FAM47E: variants seen among roughly 807,000 people sequenced by gnomAD.
The protein encoded by FAM47E is family with sequence similarity 47 member E.
In FAM47E, 32 loss-of-function variants were observed where a neutral mutation model predicts 41.6. That is an observed-to-expected ratio of 0.77 (90% CI 0.58 to 1.03). The LOEUF is 1.03. FAM47E is among the 50% of genes least tolerant of loss of function. The pLI is 0.00. For synonymous variants in FAM47E, 184 were observed against 188.7 expected (o/e 0.98, Z 0.20); for missense variants, 424 against 485.4 (o/e 0.87, Z 1.19).
At chr4:76,268,424 T>C (rs997151933) in intron 3 of FAM47E, 5 of 405,522 alleles carry the variant, frequency 1.2e-5, no homozygotes, top group Non-Finnish European at 2.1e-5. Flanking sequence ...AATCAACTTA[T>C]AATGGTAAAT....
At chr4:76,251,370 A>G (rs1233899742), upstream of FAM47E, among the ~76,000 whole-genome samples, 1 of 152,082 alleles carries the variant, frequency 6.6e-6, no homozygotes, top group Admixed American at 6.5e-5. Context: ...CCCACTTTCC[A>G]TCCTCTTTCT....
intron 1 of FAM47E, among the ~76,000 whole-genome samples, chr4:76,253,395 C>T (rs746105489): frequency 1.3e-5 from 2 of 152,202 alleles, no homozygotes; most frequent in Non-Finnish European, 2.9e-5. Flanking sequence ...GATACATGTC[C>T]GGTATCCTTT....
intron 2 of FAM47E, among the ~76,000 whole-genome samples, chr4:76,218,889 GCA>G (rs1733260916): frequency 6.6e-6 from 1 of 152,196 alleles, no homozygotes; most frequent in Non-Finnish European, 1.5e-5. Flanking sequence ...ACTTGTACAA[GCA>G]CTATGCTAGA....
chr4:76,273,628 G>T (rs1734981456), intron 5 of FAM47E, among the ~76,000 whole-genome samples: 1 of 151,974 alleles, frequency 6.6e-6, no homozygotes, highest in Admixed American at 6.6e-5. Context: ...TGTACTTGTG[G>T]CTTGTTGAGC....
exon 1 of FAM47E, chr4:76,214,072 C>T: frequency 5.7e-6 from 2 of 349,098 alleles, no homozygotes; most frequent in South Asian, 2.0e-5. Context: ...GCGCTCGCCC[C>T]ACCGAAATTG....
chr4:76,225,121 C>T (rs970758248), intron 2 of FAM47E, among the ~76,000 whole-genome samples: 2 of 152,134 alleles, frequency 1.3e-5, no homozygotes, highest in African/African-American at 4.8e-5. Context: ...TATTATTTTG[C>T]TCCTTTTTAT....
chr4:76,271,731 A>G lies in FAM47E; in HGVS notation c.833A>G (p.Gln278Arg), dbSNP rs1578796955. 3.2e-6 allele frequency: 5 copies of G among 1,551,716 alleles called. No homozygotes were observed. Among genetic ancestry groups the G allele is most frequent in the Middle Eastern group, 1.7e-4 (1 of 5,992 alleles). ...AAACTGCAGGAGACAGAGTTCTTCC[A>G]GAAACTAGGCTATGAGAGGAAACTC... ...LSKLQETEFF[Q>R]KLGYERKLQK... Residue 278 changes from glutamine to arginine, a missense_variant, in exon 5 of 8, where the codon CAG becomes CGG. Gln to Arg is a conservative substitution (Grantham distance 43, BLOSUM62 1). Transcript: ENST00000424749.
chr4:76,256,191 C>A lies in FAM47E; in HGVS notation c.88C>A (p.His30Asn). Residue 30 changes from histidine to asparagine, a missense_variant, in exon 2 of 8, where the codon CAC becomes AAC. Coordinates refer to ENST00000424749, the MANE Select transcript of FAM47E (RefSeq NM_001136570.3). ...TCTACCTTCCAGATGTTTCACAAAG[C>A]ACAAGAACGGGCTGAAGTTCCCCAC... The part of the protein sequence containing the change: ...VNCRSRCFTK[H>N]KNGLKFPTSL... 1 of 1,551,336 alleles carries A rather than the reference C, an allele frequency of 6.4e-7. No individual in the cohort carries two copies. The highest frequency in any genetic ancestry group is 8.7e-7 in the Non-Finnish European group (1 of 1,146,792).
intron 4 of FAM47E, 79 bp from the exon 5 acceptor site, chr4:76,271,489 G>C: frequency 6.7e-7 from 1 of 1,488,244 alleles, no homozygotes; most frequent in Non-Finnish European, 9.1e-7. Flanking sequence ...TTTCCTCAGC[G>C]ATGGCCCTCA....
chr4:76,278,257 G>C, intron 6 of FAM47E, 33 bp downstream of exon 6: 1 of 1,478,532 alleles, frequency 6.8e-7, no homozygotes, highest in Non-Finnish European at 9.0e-7. Flanking sequence ...GATCATCTGA[G>C]CTTCAGATGA....
At chr4:76,258,538 G>A (rs553754795) in intron 2 of FAM47E, among the ~76,000 whole-genome samples, 2 of 152,302 alleles carry the variant, frequency 1.3e-5, no homozygotes, top group African/African-American at 4.8e-5. Flanking sequence ...GGCATTTGGG[G>A]ACAGGGGTAG....
At chr4:76,270,658 G>A (rs1032392496) in intron 4 of FAM47E, among the ~76,000 whole-genome samples, 1 of 152,116 alleles carries the variant, frequency 6.6e-6, no homozygotes, top group African/African-American at 2.4e-5. Context: ...GAAACTGAAG[G>A]AACCTTAGAA....
chr4:76,263,001 A>G (rs889443338), intron 2 of FAM47E, among the ~76,000 whole-genome samples: 3 of 151,998 alleles, frequency 2.0e-5, no homozygotes, highest in African/African-American at 7.3e-5. Flanking sequence ...TCCTGGCCTC[A>G]TGCCATCTTC....
Position 76,240,472 on chromosome 4 carries a change from A to T in FAM47E, c.81+22784A>T, listed in dbSNP as rs543020004. On this transcript the variant is annotated intron_variant, in intron 2 of 7. Coordinates refer to the FAM47E transcript ENST00000510197. ...AAGTTTTTGGTCATAATTTCTTTGA[A>T]TAATCTCTTTGCCCCTTTCTCTTAC... 3.3e-5 allele frequency among the ~76,000 whole-genome samples: 5 copies of T among 152,230 alleles called. No individual in the cohort carries two copies. The South Asian group carries it at 1.0e-3, about 32-fold the overall frequency.
intron 1 of FAM47E, among the ~76,000 whole-genome samples, chr4:76,216,843 A>G (rs1733216777): frequency 6.6e-6 from 1 of 152,224 alleles, no homozygotes; most frequent in South Asian, 2.1e-4. Flanking sequence ...GGACCTAATT[A>G]CAGAAAATAT....
Position 76,256,210 on chromosome 4 carries a change from T to C in FAM47E, c.107T>C (p.Phe36Ser), listed in dbSNP as rs1426119529. The change falls in exon 2 of 8, where the codon TTC becomes TCC. Residue 36 changes from phenylalanine (F) to serine (S), a missense_variant. Transcript: ENST00000424749. ...ACAAAGCACAAGAACGGGCTGAAGT[T>C]CCCCACCTCTCTGCACAGCCGGCAG... ...CFTKHKNGLK[F>S]PTSLHSRQLV... The C allele has an allele frequency of 6.4e-7, 1 of 1,551,584 alleles. No individual in the cohort carries two copies. The highest frequency in any genetic ancestry group is 1.2e-5 in the South Asian group (1 of 84,048).
chr4:76,245,107 C>T lies in FAM47E; in HGVS notation c.82-18597C>T, dbSNP rs368352268. On this transcript the variant is annotated intron_variant, in intron 2 of 7. Transcript: ENST00000510197. ...GCCCCCAACTCACCAACACTAGTAA[C>T]GATGCTGCAGCAACATCCTCATACG... Among the ~76,000 whole-genome samples the T allele has an allele frequency of 3.3e-5, 5 of 152,134 alleles. 1 individual carries two copies. Among genetic ancestry groups the T allele is most frequent in the African/African-American group, 7.2e-5 (3 of 41,412 alleles).
rs977399198 is a variant in FAM47E at position 76,278,110 on chromosome 4, A to C, written c.912A>C (p.Ala304=). 5.8e-6 allele frequency: 9 copies of C among 1,549,922 alleles called. No individual in the cohort carries two copies. The highest frequency in any genetic ancestry group is 7.8e-6 in the Non-Finnish European group (9 of 1,146,522). The change falls in exon 6 of 8, where the codon GCA becomes GCC. Residue 304 remains alanine, a synonymous_variant. Transcript: ENST00000424749. ...KPKWVKMRYG[A]WYLNPKLWKK... ...AGTGGGTGAAGATGAGGTATGGAGC[A>C]TGGTATTTGAACCCCAAGTTGTGGA...
intron 2 of FAM47E, among the ~76,000 whole-genome samples, chr4:76,261,644 GGAGA>G (rs2110010693): frequency 6.6e-6 from 1 of 152,220 alleles, no homozygotes; most frequent in Admixed American, 6.5e-5. Context: ...TCATAAAGAT[GGAGA>G]TAATAGACAC....
Sources: allele counts gnomAD v4.1 joint callset (sites outside exome capture counted in the v4.1 genomes callset), GRCh38; gene constraint gnomAD v4.1.1; transcripts MANE v1.5; gene names NCBI Gene and HGNC (gene_info 2026-07-23, HGNC 2026-07-21).